Variants in IMMP1L observed in about 807,000 individuals in gnomAD.
IMMP1L encodes mitochondrial inner membrane protease subunit 1.
IMMP1L carries 24 observed loss-of-function variants against 21.8 expected under a neutral mutation model. The observed-to-expected ratio is 1.10, with a 90% CI of 0.80 to 1.55. IMMP1L has a LOEUF of 1.55. Ranked by LOEUF, IMMP1L falls within the 40% of genes most tolerant of loss-of-function variation. The pLI is 0.00. For synonymous variants in IMMP1L, 46 were observed against 62.8 expected (o/e 0.73, Z 1.26); for missense variants, 195 against 200.7 (o/e 0.97, Z 0.17).
At chr11:31,452,391 G>A (rs1953786191) in intron 4 of IMMP1L, 1 of 985,234 alleles carries the variant, frequency 1.0e-6, no homozygotes, top group Non-Finnish European at 1.2e-6. Context: ...CTGAGCCCTG[G>A]CCCTACATTC....
At chr11:31,473,548 G>C (rs1010036793) in intron 1 of IMMP1L, among the ~76,000 whole-genome samples, 1 of 152,196 alleles carries the variant, frequency 6.6e-6, no homozygotes, top group Admixed American at 6.5e-5. Flanking sequence ...TCTGGGAATA[G>C]AGACACATAG....
chr11:31,460,583 G>A, intron 3 of IMMP1L, 43 bp downstream of exon 3: 1 of 1,203,112 alleles, frequency 8.3e-7, no homozygotes, highest in Non-Finnish European at 1.2e-6. Context: ...ATGTGTGTGT[G>A]TATTTTCACT....
At chr11:31,476,572 T>G (rs945795744) in intron 1 of IMMP1L, among the ~76,000 whole-genome samples, 2 of 152,070 alleles carry the variant, frequency 1.3e-5, no homozygotes, top group African/African-American at 4.8e-5. Flanking sequence ...AGTTAAAATG[T>G]TAAAGTTTAA....
intron 4 of IMMP1L, among the ~76,000 whole-genome samples, chr11:31,450,128 C>T (rs1953691881): frequency 6.6e-6 from 1 of 152,150 alleles, no homozygotes; most frequent in Non-Finnish European, 1.5e-5. Flanking sequence ...CAGGTAACAA[C>T]TTTACCCATC....
At chr11:31,461,640 T>C (rs1954141710) in intron 2 of IMMP1L, among the ~76,000 whole-genome samples, 1 of 152,168 alleles carries the variant, frequency 6.6e-6, no homozygotes, top group Admixed American at 6.5e-5. Context: ...CAAAATTCTT[T>C]AAAATAGTGT....
intron 4 of IMMP1L, among the ~76,000 whole-genome samples, chr11:31,439,914 C>T (rs181933216): frequency 6.6e-6 from 1 of 152,168 alleles, no homozygotes; most frequent in Admixed American, 6.5e-5. Flanking sequence ...AGTTCTGGGA[C>T]CTTTTTGGCT....
At position 31,500,612 on chromosome 11, in the gene IMMP1L, A is replaced by ACACACACACAC. The variant is rs1491094510; in HGVS notation, c.-30+8906_-30+8907insGTGTGTGTGTG. Among the ~76,000 whole-genome samples the ACACACACACAC allele has an allele frequency of 2.8e-3, 411 of 145,212 alleles. 2 individuals carry two copies. The highest frequency in any genetic ancestry group is 3.5e-3 in the Middle Eastern group (1 of 282). On this transcript the variant is annotated intron_variant, in intron 1 of 5. Transcript: ENST00000532287. ...ACATATGCACACACACACACACACAAACACACACACACACACTCCCCAAAG... is the reference window on the plus strand; with the variant it reads ...ACATATGCACACACACACACACACAACACACACACACACACACACACACACACTCCCCAAAG...
intron 1 of IMMP1L, among the ~76,000 whole-genome samples, chr11:31,471,367 T>C (rs1165590696): frequency 6.6e-6 from 1 of 152,178 alleles, no homozygotes; most frequent in Non-Finnish European, 1.5e-5. Context: ...CCTCCGTGTA[T>C]GGCCTCCAGG....
intron 5 of IMMP1L, among the ~76,000 whole-genome samples, chr11:31,433,003 G>C (rs1250628339): frequency 6.6e-6 from 1 of 152,130 alleles, no homozygotes; most frequent in East Asian, 1.9e-4. Context: ...CTCACTGATT[G>C]TGATAAAAAG....
intron 3 of IMMP1L, among the ~76,000 whole-genome samples, chr11:31,459,978 G>A (rs1347412876): frequency 5.9e-5 from 9 of 152,078 alleles, no homozygotes; most frequent in Middle Eastern, 3.4e-3. Context: ...GCAACATGGC[G>A]AAACCCAGTC....
intron 1 of IMMP1L, among the ~76,000 whole-genome samples, chr11:31,474,503 TA>T (rs1954665919): frequency 6.6e-6 from 1 of 152,162 alleles, no homozygotes; most frequent in Non-Finnish European, 1.5e-5. Flanking sequence ...CATACTCCCA[TA>T]ATCTATGAAG....
At chr11:31,472,787 C>T (rs1344319868) in intron 1 of IMMP1L, among the ~76,000 whole-genome samples, 1 of 152,226 alleles carries the variant, frequency 6.6e-6, no homozygotes, top group Non-Finnish European at 1.5e-5. Flanking sequence ...AGAGCCTCTT[C>T]ATTACTTTAC....
chr11:31,502,004 A>G (rs1488736206), intron 1 of IMMP1L, among the ~76,000 whole-genome samples: 1 of 151,836 alleles, frequency 6.6e-6, no homozygotes, highest in Non-Finnish European at 1.5e-5. Context: ...AAAAGAAATG[A>G]AAATAATTAA....
At chr11:31,500,477 G>GA (rs1955583070) in intron 1 of IMMP1L, among the ~76,000 whole-genome samples, 1 of 151,838 alleles carries the variant, frequency 6.6e-6, no homozygotes, top group Non-Finnish European at 1.5e-5. Context: ...CTCCCATTCA[G>GA]AAAAAATAGA....
At chr11:31,506,793 C>G (rs1385104469) in intron 1 of IMMP1L, among the ~76,000 whole-genome samples, 1 of 150,960 alleles carries the variant, frequency 6.6e-6, no homozygotes, top group Non-Finnish European at 1.5e-5. Flanking sequence ...AAGCCTGTCT[C>G]TACTCAAAAT....
In IMMP1L at chr11:31,448,082, G is replaced by A. The variant is rs561636433; in HGVS notation, c.321+8178C>T. Among the ~76,000 whole-genome samples the A allele has an allele frequency of 2.6e-5, 4 of 152,284 alleles. No individual in the cohort carries two copies. The East Asian group carries it at 7.7e-4, about 29-fold the overall frequency. ...CCAGCACTTTGGGAGGCCGAAGCAG[G>A]CAGATCACTTGAGGTCAGGAGTTCG... On this transcript the variant is annotated intron_variant, in intron 4 of 5. Transcript: ENST00000532287.
At chr11:31,492,913 TAAG>T (rs1475817174) in intron 1 of IMMP1L, among the ~76,000 whole-genome samples, 6 of 152,090 alleles carry the variant, frequency 3.9e-5, no homozygotes, top group Non-Finnish European at 4.4e-5. Context: ...ATAATAATGA[TAAG>T]AAGGTTTGAA....
chr11:31,453,125 G>A (rs1032523133), intron 4 of IMMP1L: 56 of 1,287,454 alleles, frequency 4.3e-5, no homozygotes, highest in Middle Eastern at 2.2e-4. Flanking sequence ...ATTTATAAGC[G>A]TTGCTTGCCA....
chr11:31,447,294 C>T lies in IMMP1L; in HGVS notation c.321+8966G>A, dbSNP rs531134839. ...CCTCCCAAGTCCAGTGGTCTGGCTG[C>T]TTCTGAGGCAGCCTCATTAAGGAAG... On this transcript the variant is annotated intron_variant, in intron 4 of 5. Transcript: ENST00000532287. Among the ~76,000 whole-genome samples the T allele has an allele frequency of 2.0e-5, 3 of 152,324 alleles. No individual in the cohort carries two copies. In the South Asian group the frequency reaches 6.2e-4, roughly 32 times the overall value.
Sources: allele counts gnomAD v4.1 joint callset (sites outside exome capture counted in the v4.1 genomes callset), GRCh38; gene constraint gnomAD v4.1.1; transcripts MANE v1.5; gene names NCBI Gene and HGNC (gene_info 2026-07-23, HGNC 2026-07-21).